The following USH2A variants were observed in gnomAD, a reference collection of about 807,000 sequenced individuals.
USH2A encodes usherin, also known as Usher syndrome 2A (autosomal recessive, mild).
In USH2A, 443 loss-of-function variants were observed where a neutral mutation model predicts 538.9. The observed-to-expected ratio is 0.82, with a 90% CI of 0.76 to 0.89. The LOEUF is 0.89. Among genes scored for constraint, USH2A ranks in the 40% least tolerant of loss-of-function variants. The probability of loss-of-function intolerance (pLI) is 0.00; values close to 1 mark genes in which losing one functional copy is unlikely to be tolerated. For synonymous variants in USH2A, 2,413 were observed against 2,273.5 expected (o/e 1.06, Z -1.75); for missense variants, 6,633 against 6,324.8 (o/e 1.05, Z -1.65).
intron 32 of USH2A, among the ~76,000 whole-genome samples, chr1:216,028,730 G>C (rs1008090923): frequency 6.6e-6 from 1 of 152,002 alleles, no homozygotes. Flanking sequence ...TTACAAAATA[G>C]GAAGAAGAAT....
chr1:216,160,444 T>C (rs2034034139), intron 21 of USH2A, among the ~76,000 whole-genome samples: 2 of 152,106 alleles, frequency 1.3e-5, no homozygotes, highest in African/African-American at 4.8e-5. Context: ...GAGTTCTAGT[T>C]TAATCTCACA....
At chr1:216,282,855 T>C (rs1170629656) in intron 11 of USH2A, among the ~76,000 whole-genome samples, 6 of 152,266 alleles carry the variant, frequency 3.9e-5, no homozygotes, top group Admixed American at 2.6e-4. Context: ...GAGCATTGGG[T>C]GTCATTCTAT....
chr1:215,980,594 C>T (rs1303638459), intron 35 of USH2A, among the ~76,000 whole-genome samples: 1 of 152,140 alleles, frequency 6.6e-6, no homozygotes, highest in Non-Finnish European at 1.5e-5. Context: ...CCCTTCCTCA[C>T]AGATAAATAT....
chr1:216,209,583 A>G (rs975136580), intron 15 of USH2A, among the ~76,000 whole-genome samples: 4 of 152,208 alleles, frequency 2.6e-5, no homozygotes, highest in African/African-American at 9.6e-5. Context: ...AAAAGATATA[A>G]TATAATCAAA....
chr1:216,294,866 T>C (rs1358077770), intron 9 of USH2A, among the ~76,000 whole-genome samples: 2 of 151,896 alleles, frequency 1.3e-5, no homozygotes, highest in Non-Finnish European at 3.0e-5. Context: ...TTGAGAAAAT[T>C]ATTCATTTTT....
chr1:216,044,955 A>C (rs2030449345), intron 32 of USH2A, among the ~76,000 whole-genome samples: 1 of 152,204 alleles, frequency 6.6e-6, no homozygotes, highest in African/African-American at 2.4e-5. Flanking sequence ...GGCCAAAAAA[A>C]TGTAAACCTG....
chr1:215,844,350 C>T lies in USH2A; in HGVS notation c.9202G>A (p.Val3068Met). 6.2e-7 allele frequency: 1 copy of T among 1,613,804 alleles called. No homozygotes were observed. Residue 3068 changes from valine (V) to methionine (M), a missense_variant, in exon 46 of 72, where the codon GTG (valine) becomes ATG (methionine). By Grantham distance (21) the Val-to-Met change is conservative (BLOSUM62 1). Transcript: ENST00000307340. Reference sequence around the variant, plus strand: ...TCTCTCAGAATAAACGACCCAGGCACATTCATTCCAGTCTTGTAGAGCTTA... The same window carrying T: ...TCTCTCAGAATAAACGACCCAGGCATATTCATTCCAGTCTTGTAGAGCTTA... ...NNKLYKTGMN[V>M]PGSFILRDLS...
intron 44 of USH2A, among the ~76,000 whole-genome samples, chr1:215,848,089 T>A (rs1169063493): frequency 1.3e-5 from 2 of 152,176 alleles, no homozygotes; most frequent in Non-Finnish European, 2.9e-5. Flanking sequence ...AGGAACTGAC[T>A]ATTAAAATCC....
chr1:215,802,116 T>C (rs1179981172), intron 49 of USH2A, among the ~76,000 whole-genome samples: 1 of 151,328 alleles, frequency 6.6e-6, no homozygotes, highest in Non-Finnish European at 1.5e-5. Flanking sequence ...ATACCAAAAC[T>C]AACTCAAAAT....
At chr1:215,822,617 T>A (rs1663041827) in intron 47 of USH2A, among the ~76,000 whole-genome samples, 1 of 151,966 alleles carries the variant, frequency 6.6e-6, no homozygotes, top group Non-Finnish European at 1.5e-5. Flanking sequence ...CTTTATTTCT[T>A]CTCTTGACAA....
intron 38 of USH2A, among the ~76,000 whole-genome samples, chr1:215,904,114 T>C (rs927872386): frequency 6.6e-6 from 1 of 152,112 alleles, no homozygotes; most frequent in African/African-American, 2.4e-5. Context: ...ACCATGTCTC[T>C]CTTTTGATTA....
chr1:216,177,542 G>T (rs1429424440), intron 20 of USH2A, among the ~76,000 whole-genome samples: 1 of 152,058 alleles, frequency 6.6e-6, no homozygotes, highest in Non-Finnish European at 1.5e-5. Context: ...CAGCCTCTTG[G>T]TCCTAGAGAG....
intron 21 of USH2A, chr1:216,174,566 A>G: frequency 4.1e-6 from 4 of 982,054 alleles, no homozygotes; most frequent in Non-Finnish European, 4.8e-6. Context: ...TTTCATTTTT[A>G]AAAATATTGC....
At chr1:216,152,434 A>C (rs1237747938) in intron 21 of USH2A, among the ~76,000 whole-genome samples, 1 of 135,530 alleles carries the variant, frequency 7.4e-6, no homozygotes, top group Non-Finnish European at 1.6e-5. Flanking sequence ...CTCAAAAATC[A>C]CCCCCACTGA....
chr1:215,675,264 T>C lies in USH2A; in HGVS notation c.12647A>G (p.Tyr4216Cys), dbSNP rs775894178. Reference protein sequence around the residue: ...QADEKIVFTEYNTERNTFMYN... With the variant: ...QADEKIVFTECNTERNTFMYN... ...CATAAATGTATTCCTTTCAGTGTTA[T>C]ATTCTGTGAAAACAATTTTCTCGTC... is the stretch of plus-strand genomic sequence containing the variant. The change falls in exon 63 of 72, where the codon TAT becomes TGT. Residue 4216 changes from tyrosine (Y) to cysteine (C), a missense_variant. By Grantham distance (194) the Tyr-to-Cys change is radical (BLOSUM62 -2). Transcript: ENST00000307340. The C allele has an allele frequency of 2.5e-6, 4 of 1,614,196 alleles. No individual in the cohort carries two copies. The highest frequency in any genetic ancestry group is 2.2e-5 in the South Asian group (2 of 91,082).
intron 14 of USH2A, among the ~76,000 whole-genome samples, chr1:216,229,855 T>A (rs887983902): frequency 2.0e-5 from 3 of 151,980 alleles, no homozygotes; most frequent in African/African-American, 2.4e-5. Context: ...GATGGGTAGA[T>A]AATGGGAGAG....
chr1:216,271,404 T>C (rs1368119408), intron 11 of USH2A, among the ~76,000 whole-genome samples: 1 of 152,066 alleles, frequency 6.6e-6, no homozygotes, highest in East Asian at 1.9e-4. Context: ...GGATTGTATG[T>C]GGGGGACTTG....
chr1:215,766,615 A>G, intron 56 of USH2A, 66 bp downstream of exon 56: 2 of 1,412,488 alleles, frequency 1.4e-6, no homozygotes, highest in East Asian at 2.3e-5. Context: ...GAAGGAGTTT[A>G]CAGATTCCAC....
At chr1:216,349,833 C>T (rs2038245467) in intron 4 of USH2A, among the ~76,000 whole-genome samples, 1 of 152,144 alleles carries the variant, frequency 6.6e-6, no homozygotes, top group Non-Finnish European at 1.5e-5. Flanking sequence ...TCTTAATATA[C>T]TTGCTTTTAA....
Sources: gnomAD v4.1 joint callset for allele counts (sites outside exome capture counted in the v4.1 genomes callset) on GRCh38, gnomAD v4.1.1 for gene constraint, MANE v1.5 for transcripts, NCBI Gene and HGNC (gene_info 2026-07-23, HGNC 2026-07-21) for gene names.